The following SMG6 variants were observed in gnomAD, a reference collection of about 807,000 sequenced individuals.
SMG6 encodes telomerase-binding protein EST1A.
In SMG6, 66 loss-of-function variants were observed where a neutral mutation model predicts 142.2. The ratio of observed to expected loss-of-function variants is 0.46; its 90% CI spans 0.38 to 0.57. The LOEUF is 0.57. SMG6 is among the 20% of genes least tolerant of loss of function. The probability of loss-of-function intolerance (pLI) is 0.00; values close to 1 mark genes in which losing one functional copy is unlikely to be tolerated. For synonymous variants in SMG6, 779 were observed against 702.4 expected, an observed-to-expected ratio of 1.11 and a Z score of -1.72; for missense variants, 1,793 against 1,832.0, an observed-to-expected ratio of 0.98 and a Z score of 0.39.
At chr17:2,227,195 G>T (rs1443714261) in intron 10 of SMG6, among the ~76,000 whole-genome samples, 1 of 152,218 alleles carries the variant, frequency 6.6e-6, no homozygotes, top group East Asian at 1.9e-4. Context: ...AGATACACAT[G>T]CCATATGATC....
chr17:2,082,020 G>T, intron 14 of SMG6, 64 bp from the exon 15 acceptor site: 1 of 1,578,868 alleles, frequency 6.3e-7, no homozygotes, highest in Non-Finnish European at 8.7e-7. Context: ...GGCTCTTACT[G>T]AACCCAACAT....
At chr17:2,216,207 C>CAGCT (rs2073015451) in intron 10 of SMG6, among the ~76,000 whole-genome samples, 1 of 152,126 alleles carries the variant, frequency 6.6e-6, no homozygotes, top group Admixed American at 6.6e-5. Context: ...GATGGTAAAG[C>CAGCT]AGCTACCCCA....
chr17:2,130,475 A>G lies in SMG6; in HGVS notation c.3357+42183T>C, dbSNP rs201411415. Among the ~76,000 whole-genome samples the G allele has an allele frequency of 2.6e-5, 4 of 152,036 alleles. No homozygotes were observed. The East Asian group carries it at 7.7e-4, about 29-fold the overall frequency. On this transcript the variant is annotated intron_variant, in intron 13 of 18. Transcript: ENST00000263073. ...AAGACTAAATATTGTAAATATGGCAATTGCTCACTGGCTCAATGGAACAGA... is the reference window on the plus strand; with the variant it reads ...AAGACTAAATATTGTAAATATGGCAGTTGCTCACTGGCTCAATGGAACAGA...
At chr17:2,062,286 T>C (rs1285824827) in intron 18 of SMG6, 1 of 152,112 alleles carries the variant, frequency 6.6e-6, no homozygotes, top group Non-Finnish European at 1.5e-5. Context: ...AAAGGAAGAG[T>C]AGAGTTAAGA....
intron 13 of SMG6, among the ~76,000 whole-genome samples, chr17:2,109,311 T>C (rs752894511): frequency 2.6e-5 from 4 of 152,192 alleles, no homozygotes; most frequent in Admixed American, 1.3e-4. Flanking sequence ...TCACCCAGGC[T>C]GGAGTGCGGT....
chr17:2,169,234 C>T (rs1438507032), intron 13 of SMG6, among the ~76,000 whole-genome samples: 3 of 151,020 alleles, frequency 2.0e-5, no homozygotes, highest in East Asian at 2.0e-4. Context: ...ATTGCTTGTG[C>T]GCAGGAATTT....
At position 2,258,007 on chromosome 17, in the gene SMG6, G is replaced by A. The variant is rs1471754249; in HGVS notation, c.2662-13288C>T. ...CTGGGCGACAAAGCGAGACTCTGTCGCAAAAAAAAAAAAAAAAAAAAAAAA... is the reference window on the plus strand; with the variant it reads ...CTGGGCGACAAAGCGAGACTCTGTCACAAAAAAAAAAAAAAAAAAAAAAAA... On this transcript the variant is annotated intron_variant, in intron 8 of 18. Transcript: ENST00000263073. 1.6e-4 allele frequency among the ~76,000 whole-genome samples: 7 copies of A among 42,584 alleles called. No homozygotes were observed. In the South Asian group the frequency reaches 5.2e-3, roughly 32 times the overall value. The allele number at this position is 42,584 out of a possible 152,430, so 27.9% of individuals were successfully genotyped here. A position where few individuals can be genotyped will look rare whatever the true frequency, so the allele number is the denominator to read the frequency against.
rs2074884359 is a variant in SMG6, at chr17:2,285,498, C to A, written c.2338-1763G>T. ...AAGATCAACACACGAAATTCAGTTA[C>A]ATTTCTATATACTAGCAATGAGCAA... On this transcript the variant is annotated intron_variant, in intron 6 of 18. Coordinates refer to ENST00000263073, the MANE Select transcript of SMG6 (RefSeq NM_017575.5). 2.0e-5 allele frequency among the ~76,000 whole-genome samples: 3 copies of A among 152,158 alleles called. No individual in the cohort carries two copies. In the South Asian group the frequency reaches 6.2e-4, roughly 32 times the overall value.
At chr17:2,133,285 A>G (rs1051234278) in intron 13 of SMG6, among the ~76,000 whole-genome samples, 10 of 152,290 alleles carry the variant, frequency 6.6e-5, no homozygotes, top group Non-Finnish European at 1.5e-4. Context: ...TCTTAGAATA[A>G]TATCTAAGAC....
At chr17:2,212,543 C>T (rs561577633) in intron 10 of SMG6, 1 of 152,212 alleles carries the variant, frequency 6.6e-6, no homozygotes, top group South Asian at 2.1e-4. Flanking sequence ...GTTTTCAAAC[C>T]AAAAATATTC....
chr17:2,064,741 G>C (rs995283774), intron 18 of SMG6, among the ~76,000 whole-genome samples: 5 of 151,632 alleles, frequency 3.3e-5, no homozygotes, highest in South Asian at 4.1e-4. Context: ...ACCAGCTACA[G>C]TGAATCATAA....
intron 10 of SMG6, among the ~76,000 whole-genome samples, chr17:2,194,189 T>G (rs1532292): frequency 0.42 from 63,386 of 152,080 alleles, 13,636 homozygotes; most frequent in African/African-American, 0.51. Flanking sequence ...ACGCAAGTAC[T>G]GTGTGTGCTG....
At chr17:2,073,588 A>AATC (rs1338018880) in intron 15 of SMG6, among the ~76,000 whole-genome samples, 1 of 151,674 alleles carries the variant, frequency 6.6e-6, no homozygotes, top group African/African-American at 2.4e-5. Context: ...TCATGCCTGT[A>AATC]ATCCCAGCTA....
chr17:2,186,676 C>T lies in SMG6; in HGVS notation c.3142G>A (p.Asp1048Asn). The stretch of plus-strand genomic sequence containing the variant: ...AGGTCAACTCACTGCGAGGGCAGAT[C>T]CAGGGATGTGGGAGGAGGATTCCAG... ...DTWNPPPTSL[D>N]LPSHVAVDVW... The change falls in exon 12 of 19, where the codon GAT (aspartate) becomes AAT (asparagine). Residue 1048 changes from aspartate to asparagine, a missense_variant. Transcript: ENST00000263073. The T allele has an allele frequency of 6.2e-7, 1 of 1,614,208 alleles. No individual in the cohort carries two copies. The highest frequency in any genetic ancestry group is 1.3e-5 in the African/African-American group (1 of 75,052).
intron 10 of SMG6, among the ~76,000 whole-genome samples, chr17:2,201,012 A>G (rs1382686602): frequency 6.6e-6 from 1 of 152,238 alleles, no homozygotes; most frequent in African/African-American, 2.4e-5. Context: ...ATTACAAATC[A>G]AACATTTTCT....
In SMG6 at chr17:2,061,605, G is replaced by A; in HGVS notation, c.4147C>T (p.Leu1383=). The A allele has an allele frequency of 6.4e-7, 1 of 1,572,748 alleles. No individual in the cohort carries two copies. The highest frequency in any genetic ancestry group is 8.6e-7 in the Non-Finnish European group (1 of 1,158,762). Residue 1383 remains leucine, a synonymous_variant, in exon 19 of 19, where the codon CTG becomes TTG. Coordinates refer to ENST00000263073, the MANE Select transcript of SMG6 (RefSeq NM_017575.5). The part of the protein sequence containing the change: ...PASKEEPIRL[L]REVVLLTDDR... ...TCCGTCAACAGCACCACCTCCCGCA[G>A]TAGCCGGATTGGCTCCTCTGTGGGC...
chr17:2,230,094 G>C (rs750038495), intron 10 of SMG6, among the ~76,000 whole-genome samples: 1 of 147,792 alleles, frequency 6.8e-6, no homozygotes, highest in Non-Finnish European at 1.5e-5. Context: ...GCTGAGGCAT[G>C]GGAATCGCTT....
intron 13 of SMG6, among the ~76,000 whole-genome samples, chr17:2,171,223 G>T (rs984379787): frequency 6.6e-6 from 1 of 151,918 alleles, no homozygotes; most frequent in Non-Finnish European, 1.5e-5. Context: ...GCAGTGAGCT[G>T]AGATTGTGCC....
intron 13 of SMG6, among the ~76,000 whole-genome samples, chr17:2,144,696 C>T (rs1423837768): frequency 6.6e-6 from 1 of 152,116 alleles, no homozygotes; most frequent in East Asian, 1.9e-4. Context: ...CACTGTCAGA[C>T]ACAGAGATCA....
Sources: gnomAD v4.1 joint callset for allele counts (sites outside exome capture counted in the v4.1 genomes callset) on GRCh38, gnomAD v4.1.1 for gene constraint, MANE v1.5 for transcripts, NCBI Gene and HGNC (gene_info 2026-07-23, HGNC 2026-07-21) for gene names.